The following ZNF362 variants were observed in gnomAD, a reference collection of about 807,000 sequenced individuals.
The protein encoded by ZNF362 is rotund homolog.
ZNF362 carries 11 observed loss-of-function variants against 42.9 expected under a neutral mutation model. The ratio of observed to expected loss-of-function variants is 0.26; its 90% CI spans 0.16 to 0.42. The LOEUF is 0.42. Ranked by LOEUF, ZNF362 falls within the 20% of genes least tolerant of loss-of-function variation. The pLI, the probability that ZNF362 is intolerant of heterozygous loss-of-function variation, is 1.00. For synonymous variants in ZNF362, 255 were observed against 257.3 expected, an observed-to-expected ratio of 0.99 and a Z score of 0.09; for missense variants, 362 against 576.2, an observed-to-expected ratio of 0.63 and a Z score of 3.81.
chr1:33,248,229 C>T, the ZNF362 span, among the ~76,000 whole-genome samples: 1 of 152,162 alleles, frequency 6.6e-6, no homozygotes, highest in African/African-American at 2.4e-5. Context: ...CATGGCTTGC[C>T]CAAGCTCACT....
chr1:33,223,419 C>G, the ZNF362 span, among the ~76,000 whole-genome samples: 1 of 152,192 alleles, frequency 6.6e-6, no homozygotes, highest in Non-Finnish European at 1.5e-5. Context: ...TGTAGATTGC[C>G]CAGTCTCAGG....
chr1:33,153,279 CAA>C, the ZNF362 span, among the ~76,000 whole-genome samples: 1 of 152,218 alleles, frequency 6.6e-6, no homozygotes, highest in South Asian at 2.1e-4. Flanking sequence ...GGGGCCCAGC[CAA>C]CCAGGCTGCT....
the ZNF362 span, among the ~76,000 whole-genome samples, chr1:33,182,939 G>A: frequency 2.0e-5 from 3 of 152,140 alleles, no homozygotes; most frequent in Non-Finnish European, 2.9e-5. Context: ...AGGAAGTCTT[G>A]GAGATAATCA....
At chr1:33,203,703 G>T in the ZNF362 span, among the ~76,000 whole-genome samples, 4 of 152,030 alleles carry the variant, frequency 2.6e-5, no homozygotes, top group African/African-American at 4.8e-5. Context: ...GTTTTGATTC[G>T]CATTTCCCTG....
the ZNF362 span, chr1:33,145,853 T>C: frequency 1.9e-5 from 9 of 471,096 alleles, no homozygotes; most frequent in East Asian, 6.3e-4. Context: ...CCACCCTAAC[T>C]TCCTTCTAGG....
At chr1:33,228,544 G>C in the ZNF362 span, among the ~76,000 whole-genome samples, 2 of 152,120 alleles carry the variant, frequency 1.3e-5, no homozygotes, top group African/African-American at 4.8e-5. Context: ...CCCTTCTTAG[G>C]AAATGTTTAC....
At chr1:33,214,159 T>C in the ZNF362 span, among the ~76,000 whole-genome samples, 1 of 152,132 alleles carries the variant, frequency 6.6e-6, no homozygotes, top group Admixed American at 6.5e-5. Flanking sequence ...CATACAGGAA[T>C]AGCTGAATGC....
chr1:33,148,685 C>T, the ZNF362 span, among the ~76,000 whole-genome samples: 3 of 152,282 alleles, frequency 2.0e-5, no homozygotes, highest in South Asian at 4.1e-4. Context: ...TGTACATATA[C>T]ACACACAACA....
chr1:33,158,486 T>C, the ZNF362 span: 1 of 735,916 alleles, frequency 1.4e-6, no homozygotes, highest in Admixed American at 2.2e-5. Flanking sequence ...GTGAGAAGTC[T>C]GTGGGACTCA....
chr1:33,277,520 G>T (rs528914959), intron 4 of ZNF362, among the ~76,000 whole-genome samples: 21 of 152,334 alleles, frequency 1.4e-4, no homozygotes, highest in African/African-American at 5.1e-4. Flanking sequence ...ACTCAGATAC[G>T]GGTTGAGAAA....
the ZNF362 span, among the ~76,000 whole-genome samples, chr1:33,156,003 G>A: frequency 2.0e-5 from 3 of 152,086 alleles, no homozygotes; most frequent in Non-Finnish European, 2.9e-5. Flanking sequence ...TCCCCCAAGC[G>A]CCCACCACTG....
the ZNF362 span, among the ~76,000 whole-genome samples, chr1:33,200,944 T>C: frequency 6.6e-6 from 1 of 152,100 alleles, no homozygotes; most frequent in African/African-American, 2.4e-5. Context: ...ACAGAGGGAA[T>C]ATGATGTGAA....
chr1:33,154,921 G>A, the ZNF362 span, among the ~76,000 whole-genome samples: 8 of 151,522 alleles, frequency 5.3e-5, no homozygotes, highest in Admixed American at 3.3e-4. Flanking sequence ...GTGAAACCCC[G>A]TCTCTACTAA....
the ZNF362 span, among the ~76,000 whole-genome samples, chr1:33,132,174 C>CTGTG: frequency 6.6e-6 from 1 of 152,224 alleles, no homozygotes; most frequent in Non-Finnish European, 1.5e-5. Context: ...GAAGAACGCA[C>CTGTG]TGTGAGCTGC....
At chr1:33,250,858 A>G in the ZNF362 span, among the ~76,000 whole-genome samples, 4 of 141,608 alleles carry the variant, frequency 2.8e-5, no homozygotes, top group South Asian at 8.8e-4. Context: ...AGAAGGAAGA[A>G]GAAGAAGAAG....
intron 1 of ZNF362, among the ~76,000 whole-genome samples, chr1:33,259,860 C>T (rs554816926): frequency 4.1e-4 from 62 of 152,326 alleles, no homozygotes; most frequent in Non-Finnish European, 5.1e-4. Flanking sequence ...CAGTGGTAGA[C>T]CTGGGTCCTG....
rs909962924 is a variant in ZNF362 at position 33,300,346 on chromosome 1, G to A, written c.*1300G>A. The A allele has an allele frequency of 3.7e-5, 5 of 134,332 alleles. No individual in the cohort carries two copies. Among genetic ancestry groups the A allele is most frequent in the African/African-American group, 1.2e-4 (4 of 34,418 alleles). 8.3% of individuals were successfully genotyped at this position (134,332 alleles called of 1,614,324 possible). A position where few individuals can be genotyped will look rare whatever the true frequency, so the allele number is the denominator to read the frequency against. ...CCCGGCCCTTTGTTTGACTTGCGTC[G>A]TCTGATACTCAGTATTGTAGCTTTT... On this transcript the variant is annotated 3_prime_UTR_variant, in exon 9 of 9. Coordinates refer to ENST00000539719, the MANE Select transcript of ZNF362 (RefSeq NM_152493.3).
At chr1:33,147,212 C>T in the ZNF362 span, 8 of 1,613,854 alleles carry the variant, frequency 5.0e-6, no homozygotes, top group African/African-American at 1.3e-5. This position sits in a 1 kb window ranked among gnomAD's most constrained non-coding sequence, Gnocchi z 8.1. Context: ...AGCGGCTGAA[C>T]GTTCTTGCCA....
the ZNF362 span, among the ~76,000 whole-genome samples, chr1:33,133,673 G>A: frequency 2.6e-5 from 4 of 152,324 alleles, no homozygotes; most frequent in East Asian, 7.7e-4. Context: ...CAAAGAGATG[G>A]GGTGTTAGGG....
Sources: gnomAD v4.1 joint callset for allele counts (sites outside exome capture counted in the v4.1 genomes callset) on GRCh38, gnomAD v4.1.1 for gene constraint, Gnocchi (gnomAD v3.1) non-coding constraint, MANE v1.5 for transcripts, NCBI Gene and HGNC (gene_info 2026-07-23, HGNC 2026-07-21) for gene names.